The following NFKBIZ variants were observed in gnomAD, a reference collection of about 807,000 sequenced individuals.
NFKBIZ encodes the protein NFKB inhibitor zeta.
A neutral mutation model predicts 76.8 loss-of-function variants in NFKBIZ; 19 were observed. The ratio of observed to expected loss-of-function variants is 0.25; its 90% CI spans 0.17 to 0.36. The LOEUF (loss-of-function observed/expected upper bound fraction) is 0.36. Ranked by LOEUF, NFKBIZ falls within the 10% of genes least tolerant of loss-of-function variation. The pLI is 1.00. For synonymous variants in NFKBIZ, 368 were observed against 354.8 expected, an observed-to-expected ratio of 1.04 and a Z score of -0.42; for missense variants, 829 against 910.9, an observed-to-expected ratio of 0.91 and a Z score of 1.16.
At chr3:101,852,668 C>G in intron 2 of NFKBIZ, 70 bp from the exon 3 acceptor site, 1 of 1,025,050 alleles carries the variant, frequency 9.8e-7, no homozygotes, top group Non-Finnish European at 1.5e-6. Flanking sequence ...TAGAGATAAG[C>G]CTACTTACTG....
intron 5 of NFKBIZ, among the ~76,000 whole-genome samples, 170 bp from the exon 6 acceptor site, chr3:101,854,408 T>TG (rs974595403): frequency 4.6e-5 from 7 of 152,166 alleles, no homozygotes; most frequent in African/African-American, 1.4e-4. Flanking sequence ...CTGTTCCAAC[T>TG]GGGGTGTATT....
At chr3:101,843,829 A>G (rs1050539854) in intron 2 of NFKBIZ, among the ~76,000 whole-genome samples, 4 of 152,200 alleles carry the variant, frequency 2.6e-5, no homozygotes, top group Non-Finnish European at 5.9e-5. Flanking sequence ...ACATTTCATT[A>G]TATAATATAA....
At chr3:101,830,598 A>T (rs1038713274) in intron 2 of NFKBIZ, among the ~76,000 whole-genome samples, 10 of 152,198 alleles carry the variant, frequency 6.6e-5, no homozygotes, top group Admixed American at 6.5e-4. Flanking sequence ...TTCCTGTGTT[A>T]ATTCACTTGG....
At chr3:101,841,967 C>G (rs1166400752) in intron 2 of NFKBIZ, among the ~76,000 whole-genome samples, 5 of 152,166 alleles carry the variant, frequency 3.3e-5, no homozygotes, top group Admixed American at 3.3e-4. Context: ...AAGTAACTAC[C>G]TACTAAGTAA....
chr3:101,837,295 G>A (rs1318615395), intron 2 of NFKBIZ, among the ~76,000 whole-genome samples: 1 of 152,052 alleles, frequency 6.6e-6, no homozygotes, highest in Non-Finnish European at 1.5e-5. Flanking sequence ...AGTCTGAGTG[G>A]TATACCTGGC....
chr3:101,829,407 T>C (rs1942613626), intron 1 of NFKBIZ, among the ~76,000 whole-genome samples: 1 of 152,194 alleles, frequency 6.6e-6, no homozygotes, highest in Non-Finnish European at 1.5e-5. Flanking sequence ...AACCCTTCTC[T>C]TTCTTGTCCT....
Position 101,854,705 on chromosome 3 carries a change from G to A in NFKBIZ, c.1443+22G>A, listed in dbSNP as rs377362519. 420 of 1,554,140 alleles carry A rather than the reference G, an allele frequency of 2.7e-4. 4 individuals are homozygous for A. Among genetic ancestry groups the A allele is most frequent in the Middle Eastern group, 2.5e-3 (15 of 5,950 alleles). On this transcript the variant is annotated intron_variant, in intron 6 of 11. Coordinates refer to ENST00000326172, the MANE Select transcript of NFKBIZ (RefSeq NM_031419.4). ...ACAGGTGAGGACCTTGACAGAGTCT[G>A]AAATGGCAAAGAGGGGGTCATGGTG...
chr3:101,845,185 G>A (rs190129624), upstream of NFKBIZ, among the ~76,000 whole-genome samples: 1,444 of 151,688 alleles, frequency 9.5e-3, 24 homozygotes, highest in African/African-American at 0.033. Context: ...GGAGAATGGC[G>A]TGAACCCGGG....
intron 2 of NFKBIZ, among the ~76,000 whole-genome samples, chr3:101,832,744 T>C (rs72939606): frequency 0.011 from 1,628 of 152,312 alleles, 28 homozygotes; most frequent in African/African-American, 0.037. Context: ...GGATTGTTTC[T>C]TTTGGCTATC....
intron 11 of NFKBIZ, chr3:101,858,529 C>G: frequency 1.3e-6 from 1 of 761,230 alleles, no homozygotes; most frequent in Non-Finnish European, 1.6e-6. Context: ...AGATATTAAG[C>G]CATTTAACTC....
chr3:101,838,447 G>T (rs897421201), intron 2 of NFKBIZ, among the ~76,000 whole-genome samples: 1 of 152,176 alleles, frequency 6.6e-6, no homozygotes, highest in African/African-American at 2.4e-5. Flanking sequence ...AGCAAGGGTT[G>T]GCAGACTTTT....
In NFKBIZ at chr3:101,859,490, A is replaced by T; in HGVS notation, c.*119A>T. Reference sequence around the variant, plus strand: ...TGTAAGTTGTTTCTATGAAACAAACATATTTAGTTCACTATTATATAGTGG... The same window carrying T: ...TGTAAGTTGTTTCTATGAAACAAACTTATTTAGTTCACTATTATATAGTGG... On this transcript the variant is annotated 3_prime_UTR_variant, in exon 12 of 12. Coordinates refer to ENST00000326172, the MANE Select transcript of NFKBIZ (RefSeq NM_031419.4). 1 of 736,598 alleles carries T rather than the reference A, an allele frequency of 1.4e-6. No homozygotes were observed. The highest frequency in any genetic ancestry group is 2.4e-6 in the Non-Finnish European group (1 of 421,868). The allele number at this position is 736,598 out of a possible 1,614,324, so 45.6% of individuals were successfully genotyped here.
chr3:101,829,145 A>G (rs564548910), intron 1 of NFKBIZ, among the ~76,000 whole-genome samples: 11 of 152,154 alleles, frequency 7.2e-5, no homozygotes, highest in Non-Finnish European at 1.6e-4. Flanking sequence ...AATACGGTGT[A>G]TGGTCCACCA....
intron 2 of NFKBIZ, among the ~76,000 whole-genome samples, chr3:101,835,401 G>C (rs1461227321): frequency 1.3e-5 from 2 of 152,142 alleles, no homozygotes. Flanking sequence ...AAGTATGATG[G>C]GATAATGTTT....
intron 4 of NFKBIZ, 34 bp from the exon 5 acceptor site, chr3:101,853,057 G>A (rs780650818): frequency 3.5e-5 from 56 of 1,612,290 alleles, no homozygotes; most frequent in Admixed American, 5.0e-5. Flanking sequence ...TTAGAAGGAA[G>A]TGAGTGTGCA....
At chr3:101,836,572 G>A (rs1942723486) in intron 2 of NFKBIZ, among the ~76,000 whole-genome samples, 1 of 152,238 alleles carries the variant, frequency 6.6e-6, no homozygotes, top group Middle Eastern at 3.4e-3. Context: ...ATTGTAGGTG[G>A]TCAATAAATA....
Position 101,859,488 on chromosome 3 carries a change from A to T in NFKBIZ, c.*117A>T. On this transcript the variant is annotated 3_prime_UTR_variant, in exon 12 of 12. Coordinates refer to ENST00000326172, the MANE Select transcript of NFKBIZ (RefSeq NM_031419.4). ...AATGTAAGTTGTTTCTATGAAACAA[A>T]CATATTTAGTTCACTATTATATAGT... is the stretch of plus-strand genomic sequence containing the variant. The T allele has an allele frequency of 1.3e-6, 1 of 748,916 alleles. No individual in the cohort carries two copies. The highest frequency in any genetic ancestry group is 2.3e-6 in the Non-Finnish European group (1 of 431,550). The allele number at this position is 748,916 out of a possible 1,614,324, so 46.4% of individuals were successfully genotyped here.
At chr3:101,833,849 T>A (rs979846951) in intron 2 of NFKBIZ, among the ~76,000 whole-genome samples, 3 of 152,160 alleles carry the variant, frequency 2.0e-5, no homozygotes, top group African/African-American at 7.2e-5. Context: ...GAGTGACAGA[T>A]TGCAGCCAAA....
At chr3:101,857,579 CTG>C in intron 11 of NFKBIZ, 120 bp downstream of exon 11, 4 of 1,495,988 alleles carry the variant, frequency 2.7e-6, no homozygotes, top group Non-Finnish European at 3.5e-6. Context: ...CTATCAGTGT[CTG>C]TGTCTCACGG....
Sources: allele counts gnomAD v4.1 joint callset (sites outside exome capture counted in the v4.1 genomes callset), GRCh38; gene constraint gnomAD v4.1.1; transcripts MANE v1.5; gene names NCBI Gene and HGNC (gene_info 2026-07-23, HGNC 2026-07-21).